Variants in BCAT1 observed in about 807,000 individuals in gnomAD.
The protein encoded by BCAT1 is branched-chain-amino-acid aminotransferase, cytosolic.
In BCAT1, 48 loss-of-function variants were observed where a neutral mutation model predicts 52.4. The observed-to-expected ratio is 0.92, with a 90% CI of 0.73 to 1.16. The LOEUF (loss-of-function observed/expected upper bound fraction) is 1.16, where lower values mean the gene tolerates loss of function less well. Ranked by LOEUF, BCAT1 falls within the 50% of genes most tolerant of loss-of-function variation. The pLI, the probability that BCAT1 is intolerant of heterozygous loss-of-function variation, is 0.00. For synonymous variants in BCAT1, 167 were observed against 161.3 expected (o/e 1.04, Z -0.27); for missense variants, 451 against 457.1 (o/e 0.99, Z 0.12).
Position 24,905,712 on chromosome 12 carries a change from T to C in BCAT1, c.7-3827A>G, listed in dbSNP as rs375827335. Among the ~76,000 whole-genome samples, 49 of 152,252 alleles carry C rather than the reference T, an allele frequency of 3.2e-4. No individual in the cohort carries two copies. In the East Asian group the frequency reaches 8.7e-3, roughly 27 times the overall value. ...GTACTTACTAGTTACACTAAGAAGC[T>C]GTAGCTTTAGCAGTTTTCAATTTAG... is the stretch of plus-strand genomic sequence containing the variant. On this transcript the variant is annotated intron_variant, in intron 1 of 10. Transcript: ENST00000261192.
At chr12:24,879,766 A>C (rs1942442049) in intron 4 of BCAT1, among the ~76,000 whole-genome samples, 1 of 152,206 alleles carries the variant, frequency 6.6e-6, no homozygotes, top group Non-Finnish European at 1.5e-5. Context: ...AAGTCATTTA[A>C]TCTCTCTGGA....
At chr12:24,946,105 A>G (rs1943929854) in intron 1 of BCAT1, among the ~76,000 whole-genome samples, 1 of 152,198 alleles carries the variant, frequency 6.6e-6, no homozygotes, top group Admixed American at 6.5e-5. Context: ...GCAACCTGAA[A>G]CCCCAAAAGA....
chr12:24,902,470 A>T lies in BCAT1; in HGVS notation c.7-585T>A, dbSNP rs114026793. On this transcript the variant is annotated intron_variant, in intron 1 of 10. Coordinates refer to ENST00000261192, the MANE Select transcript of BCAT1 (RefSeq NM_005504.7). Reference sequence around the variant, plus strand: ...AGCGGGACTAATTGGGAAAACCTGCAGACATTTGTTTTAATGCGTAATCTG... The same window carrying T: ...AGCGGGACTAATTGGGAAAACCTGCTGACATTTGTTTTAATGCGTAATCTG... 4.1e-3 allele frequency: 3,124 copies of T among 770,610 alleles called. 75 individuals are homozygous for T. The African/African-American group carries it at 0.054, about 13-fold the overall frequency. The allele number at this position is 770,610 out of a possible 1,614,324, so 47.7% of individuals were successfully genotyped here. A position where few individuals can be genotyped will look rare whatever the true frequency, so the allele number is the denominator to read the frequency against.
At chr12:24,921,256 T>G (rs2139721856) in intron 1 of BCAT1, among the ~76,000 whole-genome samples, 1 of 152,322 alleles carries the variant, frequency 6.6e-6, no homozygotes, top group Non-Finnish European at 1.5e-5. Flanking sequence ...CTTTGGAGAT[T>G]CCAAGGATTT....
At chr12:24,827,929 T>C (rs957391336) in intron 10 of BCAT1, among the ~76,000 whole-genome samples, 1 of 152,224 alleles carries the variant, frequency 6.6e-6, no homozygotes, top group Non-Finnish European at 1.5e-5. Context: ...TTATTTCCCT[T>C]TTTTTAGAGG....
At chr12:24,932,931 C>G (rs1454506733) in intron 1 of BCAT1, among the ~76,000 whole-genome samples, 2 of 152,166 alleles carry the variant, frequency 1.3e-5, no homozygotes, top group African/African-American at 4.8e-5. Context: ...CCTGCCTCAG[C>G]CTCCCGAGTA....
In BCAT1 at chr12:24,841,740, T is replaced by TA. The variant is rs34990218; in HGVS notation, c.817+341dup. On this transcript the variant is annotated intron_variant, in intron 7 of 10. Coordinates refer to ENST00000261192, the MANE Select transcript of BCAT1 (RefSeq NM_005504.7). ...CAACATGGTGAAACCCTATCTCTAC[T>TA]AAAAAAAAAAATACAAAAATTAGCT... Among the ~76,000 whole-genome samples the TA allele has an allele frequency of 8.5e-3, 1,232 of 145,312 alleles. 11 individuals are homozygous for TA. The highest frequency in any genetic ancestry group is 0.029 in the African/African-American group (1,144 of 39,816).
chr12:24,833,239 C>T (rs1940764384), intron 8 of BCAT1, among the ~76,000 whole-genome samples: 3 of 152,308 alleles, frequency 2.0e-5, no homozygotes, highest in East Asian at 3.9e-4. Flanking sequence ...GTGTCTTAGG[C>T]CGGGCACGGT....
chr12:24,891,754 G>T lies in BCAT1; in HGVS notation c.279+2521C>A, dbSNP rs563632336. Among the ~76,000 whole-genome samples the T allele has an allele frequency of 5.9e-3, 834 of 142,240 alleles. 4 individuals are homozygous for T. Among genetic ancestry groups the T allele is most frequent in the African/African-American group, 0.021 (803 of 39,152 alleles). The allele number at this position is 142,240 out of a possible 152,430, so 93.3% of individuals were successfully genotyped here. A position where few individuals can be genotyped will look rare whatever the true frequency, so the allele number is the denominator to read the frequency against. ...TAAATAGATGGCCAAAGAGGTTTTTGTTTTTTTTTTTTGAGATGGAGTCTT... is the reference window on the plus strand; with the variant it reads ...TAAATAGATGGCCAAAGAGGTTTTTTTTTTTTTTTTTTGAGATGGAGTCTT... On this transcript the variant is annotated intron_variant, in intron 3 of 10. Coordinates refer to ENST00000261192, the MANE Select transcript of BCAT1 (RefSeq NM_005504.7).
chr12:24,870,647 T>C (rs1942160574), intron 5 of BCAT1, among the ~76,000 whole-genome samples: 1 of 152,218 alleles, frequency 6.6e-6, no homozygotes, highest in Non-Finnish European at 1.5e-5. Context: ...TGTTGCGGGA[T>C]GGAGGTTAAG....
At chr12:24,938,896 A>T (rs576113564) in intron 1 of BCAT1, among the ~76,000 whole-genome samples, 85 of 145,862 alleles carry the variant, frequency 5.8e-4, no homozygotes, top group African/African-American at 2.1e-3. Flanking sequence ...ATTCATTGAG[A>T]TGGAGTCTCG....
chr12:24,892,877 C>T (rs1178597320), intron 3 of BCAT1, among the ~76,000 whole-genome samples: 1 of 151,372 alleles, frequency 6.6e-6, no homozygotes, highest in Non-Finnish European at 1.5e-5. Flanking sequence ...AAAAGCACTT[C>T]ATTTCACCTG....
intron 1 of BCAT1, among the ~76,000 whole-genome samples, chr12:24,938,748 AAAT>A (rs1308488055): frequency 2.8e-4 from 43 of 152,312 alleles, no homozygotes; most frequent in African/African-American, 9.9e-4. Context: ...GATTCTGCTT[AAAT>A]GTCACCTCCC....
At chr12:24,919,607 G>A (rs1181969787) in intron 1 of BCAT1, among the ~76,000 whole-genome samples, 1 of 152,208 alleles carries the variant, frequency 6.6e-6, no homozygotes, top group African/African-American at 2.4e-5. Flanking sequence ...CAAGCTTATA[G>A]GTAGACCCTA....
intron 5 of BCAT1, among the ~76,000 whole-genome samples, chr12:24,876,842 A>G (rs1942361947): frequency 6.6e-6 from 1 of 152,136 alleles, no homozygotes; most frequent in African/African-American, 2.4e-5. Flanking sequence ...AGAATAGCTA[A>G]TGGATGCTGG....
chr12:24,848,906 A>G (rs1941421296), intron 6 of BCAT1, among the ~76,000 whole-genome samples: 1 of 152,186 alleles, frequency 6.6e-6, no homozygotes, highest in Admixed American at 6.5e-5. Context: ...GAGAGAAAAG[A>G]AAAAGGAAAT....
chr12:24,867,781 G>C (rs567316379), intron 5 of BCAT1, among the ~76,000 whole-genome samples: 2 of 152,318 alleles, frequency 1.3e-5, no homozygotes, highest in African/African-American at 2.4e-5. Flanking sequence ...GAGTGGGGCA[G>C]ATCACCTGAG....
chr12:24,902,646 C>A, intron 1 of BCAT1: 1 of 471,744 alleles, frequency 2.1e-6, no homozygotes, highest in Non-Finnish European at 3.6e-6. Context: ...TCCCTCAGAG[C>A]GAGTCCATAG....
chr12:24,944,978 C>T lies in BCAT1; in HGVS notation c.6+3949G>A, dbSNP rs1943913689. ...CAAGAAAAATGTTTTGCAAAATAGT[C>T]TTTCCCACCAAAAAGGTATAACAGT... On this transcript the variant is annotated intron_variant, in intron 1 of 10. Transcript: ENST00000261192. Among the ~76,000 whole-genome samples the T allele has an allele frequency of 3.3e-5, 5 of 152,138 alleles. No homozygotes were observed. In the South Asian group the frequency reaches 1.0e-3, roughly 32 times the overall value.
Sources: gnomAD v4.1 joint callset for allele counts (sites outside exome capture counted in the v4.1 genomes callset) on GRCh38, gnomAD v4.1.1 for gene constraint, MANE v1.5 for transcripts, NCBI Gene and HGNC (gene_info 2026-07-23, HGNC 2026-07-21) for gene names.